MKX: variants seen among roughly 807,000 people sequenced by gnomAD.
The protein encoded by MKX is homeobox protein Mohawk.
Under a neutral mutation model 36.0 loss-of-function variants are expected in MKX, and 13 were observed. The observed-to-expected ratio is 0.36, with a 90% CI of 0.24 to 0.57. MKX has a LOEUF of 0.57. Among genes scored for constraint, MKX ranks in the 20% least tolerant of loss-of-function variants. The pLI, the probability that MKX is intolerant of heterozygous loss-of-function variation, is 0.79. For missense variants in MKX, 458 were observed against 456.4 expected, an observed-to-expected ratio of 1.00 and a Z score of -0.03; for synonymous variants, 176 against 178.3, an observed-to-expected ratio of 0.99 and a Z score of 0.10.
At chr10:27,711,752 C>CTTT (rs78057670) in intron 5 of MKX, among the ~76,000 whole-genome samples, 5,006 of 138,666 alleles carry the variant, frequency 0.036, 286 homozygotes, top group African/African-American at 0.12. Flanking sequence ...TTTTAAAACT[C>CTTT]TTTTTTTTTT....
intron 5 of MKX, among the ~76,000 whole-genome samples, chr10:27,724,791 A>ACACACACACCC (rs775804611): frequency 2.5e-4 from 37 of 147,772 alleles, no homozygotes; most frequent in African/African-American, 9.3e-4. Context: ...ACACACACAC[A>ACACACACACCC]CCCCGCAGAA....
In MKX at chr10:27,673,198, T is replaced by C. The variant is rs1223017725; in HGVS notation, c.*2031A>G. ...GTTAATTATAAAATCTTCCAACCTT[T>C]GGTATTAAAAAAAATCATGTGAATA... On this transcript the variant is annotated 3_prime_UTR_variant, in exon 7 of 7. Transcript: ENST00000419761. 6.6e-6 allele frequency: 1 copy of C among 152,160 alleles called. No individual in the cohort carries two copies. The highest frequency in any genetic ancestry group is 1.5e-5 in the Non-Finnish European group (1 of 68,002). 9.4% of individuals were successfully genotyped at this position (152,160 alleles called of 1,614,324 possible).
chr10:27,735,407 T>C, intron 3 of MKX, 33 bp from the exon 4 acceptor site: 1 of 1,573,504 alleles, frequency 6.4e-7, no homozygotes, highest in Non-Finnish European at 8.7e-7. Flanking sequence ...TTAACAAAAC[T>C]TAAAAACATT....
At chr10:27,732,805 T>C (rs1017396349) in intron 5 of MKX, among the ~76,000 whole-genome samples, 2 of 152,250 alleles carry the variant, frequency 1.3e-5, no homozygotes, top group Admixed American at 1.3e-4. Context: ...TGGTGTGCAG[T>C]GGCATGATCA....
At position 27,742,278 on chromosome 10, in the gene MKX, C is replaced by G. The variant is rs1411627717; in HGVS notation, c.189-774G>C. Among the ~76,000 whole-genome samples, 2 of 152,162 alleles carry G rather than the reference C, an allele frequency of 1.3e-5. No homozygotes were observed. The highest frequency in any genetic ancestry group is 2.4e-5 in the African/African-American group (1 of 41,458). On this transcript the variant is annotated intron_variant, in intron 2 of 6. Coordinates refer to ENST00000419761, the MANE Select transcript of MKX (RefSeq NM_173576.3). The surrounding 1 kb of genome is among the most constrained non-coding windows in gnomAD (Gnocchi z 4.2). ...CGTGGCCTGGGGCGCTGCGCTCCCT[C>G]ACGGGTCCGGGAGGTGTCGCGCGCG...
intron 5 of MKX, among the ~76,000 whole-genome samples, chr10:27,680,330 C>A (rs1836232288): frequency 1.6e-5 from 2 of 128,556 alleles, no homozygotes; most frequent in Admixed American, 8.8e-5. Context: ...CTGAACCAGC[C>A]AAAAGAGCGT....
At chr10:27,723,493 G>T (rs1305238465) in intron 5 of MKX, among the ~76,000 whole-genome samples, 2 of 152,144 alleles carry the variant, frequency 1.3e-5, no homozygotes, top group African/African-American at 4.8e-5. Flanking sequence ...CTCAATCTTG[G>T]TTGCAAATTA....
intron 5 of MKX, among the ~76,000 whole-genome samples, chr10:27,684,711 C>T (rs1335021598): frequency 2.6e-5 from 4 of 152,212 alleles, no homozygotes; most frequent in Non-Finnish European, 5.9e-5. Flanking sequence ...CCAACTTAAA[C>T]TTGAATATTA....
intron 5 of MKX, among the ~76,000 whole-genome samples, chr10:27,701,109 T>C (rs1381274473): frequency 6.6e-6 from 1 of 152,198 alleles, no homozygotes; most frequent in Non-Finnish European, 1.5e-5. Flanking sequence ...AAGTTTTTAA[T>C]GGATTCACTT....
chr10:27,680,339 G>A (rs952876253), intron 5 of MKX, among the ~76,000 whole-genome samples: 9 of 144,962 alleles, frequency 6.2e-5, no homozygotes, highest in Admixed American at 2.2e-4. Flanking sequence ...CCAAAAGAGC[G>A]TGTTTTAAGA....
At chr10:27,708,538 T>G (rs867888565) in intron 5 of MKX, among the ~76,000 whole-genome samples, 1 of 152,174 alleles carries the variant, frequency 6.6e-6, no homozygotes, top group African/African-American at 2.4e-5. Flanking sequence ...GAGACCATTC[T>G]GACCAACATG....
At chr10:27,685,314 C>T (rs1836322463) in intron 5 of MKX, among the ~76,000 whole-genome samples, 1 of 152,088 alleles carries the variant, frequency 6.6e-6, no homozygotes, top group East Asian at 1.9e-4. Context: ...TATTAGACCA[C>T]AAAGAGACCA....
At chr10:27,745,117 G>A (rs1398017083) in intron 1 of MKX, among the ~76,000 whole-genome samples, 1 of 151,686 alleles carries the variant, frequency 6.6e-6, no homozygotes, top group South Asian at 2.1e-4. Flanking sequence ...CCCTTCCCCG[G>A]CCCGGCCTTC....
intron 5 of MKX, among the ~76,000 whole-genome samples, chr10:27,687,092 C>T (rs746315581): frequency 2.0e-5 from 3 of 151,598 alleles, no homozygotes; most frequent in East Asian, 1.9e-4. Flanking sequence ...CTGCAACCTC[C>T]GCCTCCTGGG....
At chr10:27,711,429 C>CTTTCTTTCTT (rs1399262532) in intron 5 of MKX, among the ~76,000 whole-genome samples, 39 of 114,642 alleles carry the variant, frequency 3.4e-4, no homozygotes, top group East Asian at 2.5e-3. Flanking sequence ...TCTTTCTTTT[C>CTTTCTTTCTT]TCTTTCTTTC....
At chr10:27,701,377 T>C (rs1836650186) in intron 5 of MKX, among the ~76,000 whole-genome samples, 1 of 147,096 alleles carries the variant, frequency 6.8e-6, no homozygotes, top group Non-Finnish European at 1.5e-5. Flanking sequence ...TTTATATATA[T>C]ATATATATAT....
rs529211877 is a variant in MKX at position 27,714,072 on chromosome 10, A to G, written c.838+20384T>C. On this transcript the variant is annotated intron_variant, in intron 5 of 6. Coordinates refer to ENST00000419761, the MANE Select transcript of MKX (RefSeq NM_173576.3). ...TTCTCTGCATGGCAACAGGCATGAC[A>G]TTTGATCTGACACAGGGATTAAGTC... Among the ~76,000 whole-genome samples, 12 of 151,764 alleles carry G rather than the reference A, an allele frequency of 7.9e-5. No homozygotes were observed. In the East Asian group the frequency reaches 2.1e-3, roughly 27 times the overall value.
chr10:27,711,714 C>T (rs557284506), intron 5 of MKX, among the ~76,000 whole-genome samples: 25 of 150,366 alleles, frequency 1.7e-4, no homozygotes, highest in African/African-American at 5.6e-4. Flanking sequence ...GCCGAAACTA[C>T]AGGCGCCCAC....
intron 5 of MKX, among the ~76,000 whole-genome samples, chr10:27,719,992 A>AG (rs1324922509): frequency 6.6e-6 from 1 of 150,854 alleles, no homozygotes; most frequent in African/African-American, 2.4e-5. Context: ...AAAAAAAAAA[A>AG]AAAGAGAGAG....
Sources: gnomAD v4.1 joint callset for allele counts (sites outside exome capture counted in the v4.1 genomes callset) on GRCh38, gnomAD v4.1.1 for gene constraint, Gnocchi (gnomAD v3.1) non-coding constraint, MANE v1.5 for transcripts, NCBI Gene and HGNC (gene_info 2026-07-23, HGNC 2026-07-21) for gene names.